CHD6: variants seen among roughly 807,000 people sequenced by gnomAD.
CHD6 encodes the protein chromodomain helicase DNA binding protein 6, also known as ATP-dependent chromatin remodeler CHD6.
In CHD6, 50 loss-of-function variants were observed where a neutral mutation model predicts 276.9. The observed-to-expected ratio is 0.18, with a 90% CI of 0.14 to 0.23. The LOEUF (loss-of-function observed/expected upper bound fraction) is 0.23, where lower values mean the gene tolerates loss of function less well. Among genes scored for constraint, CHD6 ranks in the 10% least tolerant of loss-of-function variants. CHD6 has a pLI of 1.00. For synonymous variants in CHD6, 1,173 were observed against 1,229.3 expected, an observed-to-expected ratio of 0.95 and a Z score of 0.96; for missense variants, 2,564 against 3,365.8, an observed-to-expected ratio of 0.76 and a Z score of 5.89.
chr20:41,618,065 C>G (rs908055963), intron 1 of CHD6, among the ~76,000 whole-genome samples: 2 of 148,628 alleles, frequency 1.3e-5, no homozygotes, highest in South Asian at 2.1e-4. Context: ...CCGCCCGGCC[C>G]GAGCGAAAGC....
At position 41,413,330 on chromosome 20, in the gene CHD6, A is replaced by C. The variant is rs1408418661; in HGVS notation, c.7125T>G (p.Phe2375Leu). 1 of 1,599,436 alleles carries C rather than the reference A, an allele frequency of 6.3e-7. No homozygotes were observed. The highest frequency in any genetic ancestry group is 8.5e-7 in the Non-Finnish European group (1 of 1,172,320). The change falls in exon 35 of 37, where the codon TTT becomes TTG. Residue 2375 changes from phenylalanine to leucine, a missense_variant. By Grantham distance (22) the Phe-to-Leu change is conservative. Coordinates refer to ENST00000373233, the MANE Select transcript of CHD6 (RefSeq NM_032221.5). Reference sequence around the variant, plus strand: ...AGTACCAACAAACACTTACTGCCCCAAAGCCAGGAACTTCTAAGGAGTAGT... The same window carrying C: ...AGTACCAACAAACACTTACTGCCCCCAAGCCAGGAACTTCTAAGGAGTAGT... ...QADYSLEVPGFGANFSDKPKQ... is the reference protein window; with the variant it reads ...QADYSLEVPGLGANFSDKPKQ...
chr20:41,515,009 T>C, intron 3 of CHD6, 57 bp from the exon 4 acceptor site: 1 of 1,573,446 alleles, frequency 6.4e-7, no homozygotes, highest in South Asian at 1.1e-5. Flanking sequence ...CTAAGATTTC[T>C]CATGTGATCA....
At chr20:41,536,294 G>C (rs774845982) in intron 2 of CHD6, among the ~76,000 whole-genome samples, 1 of 152,202 alleles carries the variant, frequency 6.6e-6, no homozygotes, top group Non-Finnish European at 1.5e-5. Flanking sequence ...GAAATGGACA[G>C]GTTCCACTGG....
intron 6 of CHD6, among the ~76,000 whole-genome samples, chr20:41,498,811 A>ACG (rs1555796112): frequency 1.2e-5 from 1 of 86,552 alleles, no homozygotes; most frequent in South Asian, 3.5e-4. Flanking sequence ...GTATGTATGT[A>ACG]TGTGTGTGTG....
intron 34 of CHD6, chr20:41,414,905 G>A: frequency 1.5e-6 from 2 of 1,293,304 alleles, no homozygotes; most frequent in Non-Finnish European, 2.0e-6. Flanking sequence ...GCCGTCAACA[G>A]TGGCTCTTCT....
At chr20:41,506,485 A>C (rs1056799623) in intron 5 of CHD6, among the ~76,000 whole-genome samples, 46 of 152,150 alleles carry the variant, frequency 3.0e-4, no homozygotes, top group African/African-American at 9.9e-4. Flanking sequence ...TACCTCCTTC[A>C]ATTATTTGCT....
At chr20:41,589,602 T>C (rs949188245) in intron 1 of CHD6, among the ~76,000 whole-genome samples, 4 of 152,142 alleles carry the variant, frequency 2.6e-5, no homozygotes, top group Non-Finnish European at 5.9e-5. Flanking sequence ...AAATTATGAG[T>C]GAACTCCCAT....
intron 2 of CHD6, chr20:41,547,957 C>A (rs1217231419): frequency 2.1e-5 from 6 of 279,884 alleles, no homozygotes. Context: ...CATAAAGGTT[C>A]ATTTGACAAG....
intron 2 of CHD6, among the ~76,000 whole-genome samples, chr20:41,544,162 C>T (rs1387758266): frequency 2.6e-5 from 4 of 152,128 alleles, no homozygotes; most frequent in Non-Finnish European, 5.9e-5. Context: ...ATTGCTTGAA[C>T]CCGGGAGGTG....
chr20:41,589,541 T>G (rs2045633259), intron 1 of CHD6, among the ~76,000 whole-genome samples: 1 of 152,202 alleles, frequency 6.6e-6, no homozygotes, highest in Admixed American at 6.5e-5. Context: ...AAAATCAATG[T>G]GCAAAAATCA....
At position 41,417,599 on chromosome 20, in the gene CHD6, A is replaced by C. The variant is rs559917936; in HGVS notation, c.6128-250T>G. Reference sequence around the variant, plus strand: ...TGAGCATTTGCATCCATATCCCAACACAAGAAAAGAGAAAGGAAATTTTTC... The same window carrying C: ...TGAGCATTTGCATCCATATCCCAACCCAAGAAAAGAGAAAGGAAATTTTTC... On this transcript the variant is annotated intron_variant, in intron 31 of 36. Transcript: ENST00000373233. Among the ~76,000 whole-genome samples the C allele has an allele frequency of 2.6e-5, 4 of 152,316 alleles. No individual in the cohort carries two copies. The South Asian group carries it at 8.3e-4, about 32-fold the overall frequency.
intron 1 of CHD6, among the ~76,000 whole-genome samples, chr20:41,608,206 C>T (rs1282298438): frequency 6.6e-6 from 1 of 152,114 alleles, no homozygotes; most frequent in African/African-American, 2.4e-5. Context: ...GGTTAATTTA[C>T]AAGCATTTTA....
chr20:41,443,144 G>T (rs6102419), intron 25 of CHD6, among the ~76,000 whole-genome samples: 17,741 of 152,198 alleles, frequency 0.12, 2,152 homozygotes, highest in East Asian at 0.31. Flanking sequence ...GGAATTGAGT[G>T]ATGAAGTGTC....
chr20:41,479,450 T>C (rs542138163), intron 16 of CHD6, among the ~76,000 whole-genome samples: 8 of 152,050 alleles, frequency 5.3e-5, no homozygotes, highest in Non-Finnish European at 1.2e-4. Flanking sequence ...GGAGCAGCAA[T>C]GTGAATGACT....
At chr20:41,453,665 G>A (rs1043524274) in intron 20 of CHD6, among the ~76,000 whole-genome samples, 3 of 152,134 alleles carry the variant, frequency 2.0e-5, no homozygotes, top group Non-Finnish European at 4.4e-5. Context: ...GGCTCCAACT[G>A]CTTCTGCCTG....
At chr20:41,558,712 C>A (rs773829203) in intron 1 of CHD6, among the ~76,000 whole-genome samples, 5 of 152,128 alleles carry the variant, frequency 3.3e-5, no homozygotes, top group African/African-American at 9.7e-5. Flanking sequence ...TCCACCCTCT[C>A]TCCCCCTTCT....
At chr20:41,414,718 G>A (rs1436682512) in intron 34 of CHD6, 1 of 549,836 alleles carries the variant, frequency 1.8e-6, no homozygotes, top group Non-Finnish European at 2.5e-6. Flanking sequence ...ACTTTACACA[G>A]GAGCAAAGTG....
chr20:41,570,004 C>A (rs1396921693), intron 1 of CHD6, among the ~76,000 whole-genome samples: 1 of 152,144 alleles, frequency 6.6e-6, no homozygotes, highest in Non-Finnish European at 1.5e-5. Flanking sequence ...CACTGAGAAC[C>A]AGCTCCAATG....
At chr20:41,456,971 G>A (rs1446110880) in intron 18 of CHD6, among the ~76,000 whole-genome samples, 1 of 152,188 alleles carries the variant, frequency 6.6e-6, no homozygotes, top group Admixed American at 6.5e-5. Flanking sequence ...CAAATACAAT[G>A]TTAAGATCTA....
Sources: allele counts gnomAD v4.1 joint callset (sites outside exome capture counted in the v4.1 genomes callset), GRCh38; gene constraint gnomAD v4.1.1; transcripts MANE v1.5; gene names NCBI Gene and HGNC (gene_info 2026-07-23, HGNC 2026-07-21).